CARMIL1: variants seen among roughly 807,000 people sequenced by gnomAD.
CARMIL1 encodes the protein F-actin-uncapping protein LRRC16A.
CARMIL1 carries 90 observed loss-of-function variants against 177.1 expected under a neutral mutation model. The observed-to-expected ratio is 0.51, with a 90% CI of 0.43 to 0.61. The LOEUF (loss-of-function observed/expected upper bound fraction) is 0.61. Among genes scored for constraint, CARMIL1 ranks in the 20% least tolerant of loss-of-function variants. CARMIL1 has a pLI of 0.00. For missense variants in CARMIL1, 1,380 were observed against 1,667.0 expected (o/e 0.83, Z 3.00); for synonymous variants, 577 against 606.2 (o/e 0.95, Z 0.71).
chr6:25,291,227 TA>T (rs1008745326), intron 2 of CARMIL1, among the ~76,000 whole-genome samples: 2 of 152,162 alleles, frequency 1.3e-5, no homozygotes, highest in African/African-American at 4.8e-5. Context: ...TCGAAAGGCA[TA>T]GGGGTATTAT....
chr6:25,519,586 G>C (rs1205129011), intron 22 of CARMIL1, among the ~76,000 whole-genome samples: 1 of 152,132 alleles, frequency 6.6e-6, no homozygotes, highest in Non-Finnish European at 1.5e-5. Flanking sequence ...TTGGTTTCTC[G>C]AGCCTGGTGG....
At chr6:25,570,125 C>T (rs940022075) in intron 29 of CARMIL1, among the ~76,000 whole-genome samples, 1 of 152,120 alleles carries the variant, frequency 6.6e-6, no homozygotes, top group Non-Finnish European at 1.5e-5. Flanking sequence ...CCACCAAGCC[C>T]AGCTAATTTT....
chr6:25,602,543 G>T (rs1815525953), intron 33 of CARMIL1, among the ~76,000 whole-genome samples: 1 of 151,980 alleles, frequency 6.6e-6, no homozygotes. Flanking sequence ...ATTTGTTTAG[G>T]GCTTACACAG....
chr6:25,596,878 CGT>C (rs1814908332), intron 32 of CARMIL1, among the ~76,000 whole-genome samples: 1 of 151,704 alleles, frequency 6.6e-6, no homozygotes. Flanking sequence ...CACACACACA[CGT>C]ACTCATGTAC....
chr6:25,324,774 A>G (rs1444677840), intron 2 of CARMIL1, among the ~76,000 whole-genome samples: 2 of 152,068 alleles, frequency 1.3e-5, no homozygotes, highest in Non-Finnish European at 2.9e-5. Flanking sequence ...GTTGGAGATA[A>G]TATGTCAGGG....
At chr6:25,472,712 C>T in intron 11 of CARMIL1, 191 bp downstream of exon 11, 1 of 547,788 alleles carries the variant, frequency 1.8e-6, no homozygotes. Flanking sequence ...TCTGCTTCAC[C>T]TTTTTTGAAG....
At chr6:25,372,589 A>C (rs1790527414) in intron 2 of CARMIL1, among the ~76,000 whole-genome samples, 1 of 152,104 alleles carries the variant, frequency 6.6e-6, no homozygotes, top group Non-Finnish European at 1.5e-5. Flanking sequence ...GTGTACATTG[A>C]TTTTGTAACC....
chr6:25,573,602 A>AAG (rs961021299), intron 29 of CARMIL1, among the ~76,000 whole-genome samples: 3 of 151,580 alleles, frequency 2.0e-5, no homozygotes, highest in Non-Finnish European at 4.4e-5. Flanking sequence ...AAAAAAAAAA[A>AAG]AAAAAAAAAT....
At position 25,470,567 on chromosome 6, in the gene CARMIL1, C is replaced by G. The variant is rs140298235; in HGVS notation, c.691-602C>G. ...TTTTATCATAATTGTATATTTTTATCATTTCATTCAGGCTGCTATAACAAA... is the reference window on the plus strand; with the variant it reads ...TTTTATCATAATTGTATATTTTTATGATTTCATTCAGGCTGCTATAACAAA... On this transcript the variant is annotated intron_variant, in intron 9 of 36. Coordinates refer to ENST00000329474, the MANE Select transcript of CARMIL1 (RefSeq NM_017640.6). Among the ~76,000 whole-genome samples the G allele has an allele frequency of 6.1e-3, 934 of 152,260 alleles. 5 individuals are homozygous for G. Among genetic ancestry groups the G allele is most frequent in the African/African-American group, 0.018 (727 of 41,540 alleles).
intron 12 of CARMIL1, among the ~76,000 whole-genome samples, chr6:25,484,336 T>C (rs1802422540): frequency 6.6e-6 from 1 of 152,230 alleles, no homozygotes; most frequent in Non-Finnish European, 1.5e-5. Context: ...TTTATATCCA[T>C]GCCATCATAC....
At chr6:25,470,100 A>G (rs1562181816) in intron 9 of CARMIL1, among the ~76,000 whole-genome samples, 2 of 152,016 alleles carry the variant, frequency 1.3e-5, no homozygotes, top group East Asian at 1.9e-4. Flanking sequence ...TTTTTTTGAC[A>G]TTTTTTATTA....
chr6:25,387,114 C>CAAAAAAAAAAAAAAAAAAAAAA (rs377548646), intron 2 of CARMIL1, among the ~76,000 whole-genome samples: 18 of 101,918 alleles, frequency 1.8e-4, no homozygotes, highest in African/African-American at 6.7e-4. Flanking sequence ...ACTCTGTCTC[C>CAAAAAAAAAAAAAAAAAAAAAA]AAAAAAAAAA....
chr6:25,330,711 T>C (rs1306733633), intron 2 of CARMIL1, among the ~76,000 whole-genome samples: 3 of 148,932 alleles, frequency 2.0e-5, no homozygotes, highest in Admixed American at 6.7e-5. Flanking sequence ...AAAAGACAGA[T>C]GAGGATGGGA....
At chr6:25,601,271 A>G (rs1239607745) in intron 33 of CARMIL1, among the ~76,000 whole-genome samples, 1 of 152,230 alleles carries the variant, frequency 6.6e-6, no homozygotes, top group East Asian at 1.9e-4. Flanking sequence ...CCTGAGGGTC[A>G]CAGTCTTGTG....
At chr6:25,583,419 C>G (rs1215932430) in intron 31 of CARMIL1, among the ~76,000 whole-genome samples, 12 of 150,484 alleles carry the variant, frequency 8.0e-5, no homozygotes, top group Non-Finnish European at 1.5e-4. Context: ...TCAGCTTACT[C>G]CTTGTCTTTA....
At chr6:25,449,271 A>G (rs926794785) in intron 5 of CARMIL1, among the ~76,000 whole-genome samples, 2 of 152,170 alleles carry the variant, frequency 1.3e-5, no homozygotes, top group African/African-American at 4.8e-5. Flanking sequence ...ACAAATTCAG[A>G]AATGTGTCAG....
intron 8 of CARMIL1, chr6:25,451,986 G>GCACC: frequency 6.2e-5 from 7 of 112,672 alleles, no homozygotes; most frequent in South Asian, 1.4e-4. Flanking sequence ...CTAGCATCTT[G>GCACC]CCCCCCCCTC....
chr6:25,562,966 C>T (rs975038214), intron 29 of CARMIL1, among the ~76,000 whole-genome samples: 1 of 152,198 alleles, frequency 6.6e-6, no homozygotes, highest in Non-Finnish European at 1.5e-5. Context: ...TTAAATGTCT[C>T]TAGTAACCTG....
At chr6:25,338,369 G>A (rs954378662) in intron 2 of CARMIL1, among the ~76,000 whole-genome samples, 2 of 152,178 alleles carry the variant, frequency 1.3e-5, no homozygotes, top group African/African-American at 2.4e-5. Flanking sequence ...CACTTGCTAT[G>A]AGAGTGTGCT....
Sources: allele counts gnomAD v4.1 joint callset (sites outside exome capture counted in the v4.1 genomes callset), GRCh38; gene constraint gnomAD v4.1.1; transcripts MANE v1.5; gene names NCBI Gene and HGNC (gene_info 2026-07-23, HGNC 2026-07-21).